Variants in PNKD observed in about 807,000 individuals in gnomAD.
PNKD encodes probable thioesterase PNKD.
A neutral mutation model predicts 45.3 loss-of-function variants in PNKD; 36 were observed. The observed-to-expected ratio is 0.80, with a 90% CI of 0.61 to 1.05. The LOEUF is 1.05. PNKD is among the 50% of genes least tolerant of loss of function. PNKD has a pLI of 0.00. For synonymous variants in PNKD, 197 were observed against 210.1 expected (o/e 0.94, Z 0.54); for missense variants, 511 against 506.6 (o/e 1.01, Z -0.08).
chr2:218,271,340 TCTC>T lies in PNKD; in HGVS notation c.68-40_68-38del, dbSNP rs758567465. The T allele has an allele frequency of 3.8e-6, 6 of 1,596,950 alleles. No individual in the cohort carries two copies. In the Admixed American group the frequency reaches 1.0e-4, roughly 27 times the overall value. On this transcript the variant is annotated intron_variant, in intron 1 of 9. Coordinates refer to ENST00000273077, the MANE Select transcript of PNKD (RefSeq NM_015488.5). ...CCCCCCACCTCCCCGCTTGCTTTCT[TCTC>T]ATCTCTTCTTACTGACCTTCCTTAC...
intron 6 of PNKD, 154 bp from the exon 7 acceptor site, chr2:218,341,827 G>T: frequency 1.3e-6 from 1 of 773,082 alleles, no homozygotes. Context: ...AAAGGGGGAG[G>T]GTTCGGACCT....
intron 2 of PNKD, chr2:218,281,818 C>G (rs968037584): frequency 1.7e-5 from 15 of 872,208 alleles, no homozygotes; most frequent in Non-Finnish European, 2.7e-5. Context: ...GAGATCTCAA[C>G]AGAGAAGATG....
chr2:218,305,355 T>G (rs1156964932), intron 2 of PNKD, among the ~76,000 whole-genome samples: 1 of 150,768 alleles, frequency 6.6e-6, no homozygotes, highest in Admixed American at 6.6e-5. Context: ...TTAGTTTGTA[T>G]GTTTGTTTGT....
chr2:218,318,782 T>G (rs572574555), intron 2 of PNKD, among the ~76,000 whole-genome samples: 1 of 152,080 alleles, frequency 6.6e-6, no homozygotes, highest in African/African-American at 2.4e-5. Flanking sequence ...AACATCACAT[T>G]GTGAAAAGTG....
intron 2 of PNKD, among the ~76,000 whole-genome samples, chr2:218,289,782 A>T (rs750419456): frequency 3.3e-5 from 5 of 152,130 alleles, no homozygotes; most frequent in South Asian, 2.1e-4. Context: ...GTTTCCAAGG[A>T]CATCTTCAGA....
chr2:218,340,304 G>A lies in PNKD; in HGVS notation c.465+163G>A, dbSNP rs1006948742. ...CGCACACATAGCCTGGGGAAGGGGG[G>A]TACAGGGCATGGCTGGGCAGAAGGG... On this transcript the variant is annotated intron_variant, in intron 4 of 9. Coordinates refer to ENST00000273077, the MANE Select transcript of PNKD (RefSeq NM_015488.5). This position sits in a 1 kb window ranked among gnomAD's most constrained non-coding sequence, Gnocchi z 4.2. 9.2e-5 allele frequency among the ~76,000 whole-genome samples: 14 copies of A among 152,264 alleles called. No individual in the cohort carries two copies. The highest frequency in any genetic ancestry group is 3.4e-4 in the African/African-American group (14 of 41,554).
chr2:218,278,543 G>A (rs1410810647), intron 2 of PNKD: 1 of 1,614,182 alleles, frequency 6.2e-7, no homozygotes, highest in Admixed American at 1.7e-5. Flanking sequence ...GCAAGGATCA[G>A]GTAGGTGACA....
intron 2 of PNKD, chr2:218,275,487 C>T: frequency 6.2e-7 from 1 of 1,613,302 alleles, no homozygotes; most frequent in Non-Finnish European, 8.5e-7. Flanking sequence ...AATTGCGATC[C>T]CCCATCAGCT....
chr2:218,310,021 T>C (rs1307639425), intron 2 of PNKD, among the ~76,000 whole-genome samples: 2 of 151,890 alleles, frequency 1.3e-5, no homozygotes, highest in African/African-American at 4.8e-5. Flanking sequence ...ATTCCAGGAT[T>C]GGTTAATTCA....
chr2:218,303,554 C>T (rs1693328226), intron 2 of PNKD, among the ~76,000 whole-genome samples: 1 of 151,368 alleles, frequency 6.6e-6, no homozygotes, highest in African/African-American at 2.4e-5. Context: ...CCCCACGACC[C>T]CCATCCCAGA....
intron 2 of PNKD, among the ~76,000 whole-genome samples, chr2:218,304,693 C>A (rs562219771): frequency 6.6e-6 from 1 of 152,302 alleles, no homozygotes; most frequent in South Asian, 2.1e-4. Context: ...AATTGGGGGT[C>A]AAATAAAACC....
chr2:218,293,647 G>A (rs1693056080), intron 2 of PNKD, among the ~76,000 whole-genome samples: 1 of 143,588 alleles, frequency 7.0e-6, no homozygotes, highest in Non-Finnish European at 1.5e-5. Flanking sequence ...GTGCAGTGGC[G>A]CCATCTCGGC....
chr2:218,294,419 G>T (rs952044238), intron 2 of PNKD, among the ~76,000 whole-genome samples: 4 of 152,192 alleles, frequency 2.6e-5, no homozygotes, highest in Non-Finnish European at 4.4e-5. Flanking sequence ...TCTGATGAAG[G>T]CTCCCTCTGC....
chr2:218,344,994 CCCCAG>C lies in PNKD; in HGVS notation c.*23_*27del. 2 of 1,605,934 alleles carry C rather than the reference CCCCAG, an allele frequency of 1.2e-6. No homozygotes were observed. The highest frequency in any genetic ancestry group is 1.1e-5 in the South Asian group (1 of 90,626). ...CAAGAGCAAGTGATGCCCCCAGCGC[CCCCAG>C]CCCAGCCCACTCCCCGCATGGGGAG... On this transcript the variant is annotated 3_prime_UTR_variant, in exon 10 of 10. Coordinates refer to ENST00000273077, the MANE Select transcript of PNKD (RefSeq NM_015488.5).
At position 218,339,775 on chromosome 2, in the gene PNKD, C is replaced by G; in HGVS notation, c.237-8C>G. 1 of 1,588,228 alleles carries G rather than the reference C, an allele frequency of 6.3e-7. No homozygotes were observed. The highest frequency in any genetic ancestry group is 8.6e-7 in the Non-Finnish European group (1 of 1,156,678). ...AGGCTAATCATAGGCCACCCACTCG[C>G]CCTCTAGGTACAGCCTGTACACCCG... On this transcript the variant is annotated splice_polypyrimidine_tract_variant and splice_region_variant and intron_variant, in intron 2 of 9. Coordinates refer to ENST00000273077, the MANE Select transcript of PNKD (RefSeq NM_015488.5).
chr2:218,279,457 G>C, intron 2 of PNKD: 5 of 1,088,510 alleles, frequency 4.6e-6, no homozygotes, highest in Non-Finnish European at 6.4e-6. Context: ...ACCCTCCCTA[G>C]CTGCAGCCTG....
At chr2:218,307,136 T>C (rs988368880) in intron 2 of PNKD, among the ~76,000 whole-genome samples, 3 of 152,050 alleles carry the variant, frequency 2.0e-5, no homozygotes, top group Admixed American at 6.6e-5. Context: ...AGGAGGTAGC[T>C]TTGGACAAAT....
chr2:218,297,504 T>A (rs1050227828), intron 2 of PNKD, among the ~76,000 whole-genome samples: 2 of 151,308 alleles, frequency 1.3e-5, no homozygotes, highest in African/African-American at 2.4e-5. Context: ...TAACATATAG[T>A]GAAACCCCAT....
chr2:218,289,052 T>C (rs908183529), intron 2 of PNKD, among the ~76,000 whole-genome samples: 2 of 152,244 alleles, frequency 1.3e-5, no homozygotes, highest in Admixed American at 1.3e-4. Flanking sequence ...TTCAGCCTCT[T>C]TGCTTTTATA....
Sources: gnomAD v4.1 joint callset for allele counts (sites outside exome capture counted in the v4.1 genomes callset) on GRCh38, gnomAD v4.1.1 for gene constraint, Gnocchi (gnomAD v3.1) non-coding constraint, MANE v1.5 for transcripts, NCBI Gene and HGNC (gene_info 2026-07-23, HGNC 2026-07-21) for gene names.